The following THRAP3 variants were observed in gnomAD, a reference collection of about 807,000 sequenced individuals.
THRAP3 encodes the protein thyroid hormone receptor associated protein 3, also known as thyroid hormone receptor-associated protein 3.
In THRAP3, 16 loss-of-function variants were observed where a neutral mutation model predicts 101.0. The ratio of observed to expected loss-of-function variants is 0.16; its 90% CI spans 0.11 to 0.24. THRAP3 has a LOEUF of 0.24. Among genes scored for constraint, THRAP3 ranks in the 10% least tolerant of loss-of-function variants. The pLI is 1.00. For synonymous variants in THRAP3, 407 were observed against 422.6 expected, an observed-to-expected ratio of 0.96 and a Z score of 0.45; for missense variants, 989 against 1,202.7, an observed-to-expected ratio of 0.82 and a Z score of 2.63.
At chr1:36,264,325 G>A (rs955834209) in intron 2 of THRAP3, among the ~76,000 whole-genome samples, 2 of 152,248 alleles carry the variant, frequency 1.3e-5, no homozygotes, top group Admixed American at 6.5e-5. Context: ...GTCAGGCACT[G>A]TGTATGTGCT....
rs191053226 is a variant in THRAP3, at chr1:36,304,866, T to A, written c.*849T>A. 2 of 206,258 alleles carry A rather than the reference T, an allele frequency of 9.7e-6. No individual in the cohort carries two copies. Among genetic ancestry groups the A allele is most frequent in the African/African-American group, 4.6e-5 (2 of 43,882 alleles). The allele number at this position is 206,258 out of a possible 1,614,324, so 12.8% of individuals were successfully genotyped here. A position where few individuals can be genotyped will look rare whatever the true frequency, so the allele number is the denominator to read the frequency against. Reference sequence around the variant, plus strand: ...TCTGGTCTGTTTTCTAAGAAACTTATGAATTCTATTATCTTTACAAATATG... The same window carrying A: ...TCTGGTCTGTTTTCTAAGAAACTTAAGAATTCTATTATCTTTACAAATATG... On this transcript the variant is annotated 3_prime_UTR_variant, in exon 12 of 12. Transcript: ENST00000354618.
intron 4 of THRAP3, chr1:36,288,741 G>A (rs1645827243): frequency 1.0e-6 from 1 of 985,294 alleles, no homozygotes; most frequent in African/African-American, 1.7e-5. Context: ...TTTTGCCCTA[G>A]ATCACATTAC....
At chr1:36,303,611 T>G (rs897183841) in intron 11 of THRAP3, among the ~76,000 whole-genome samples, 185 bp from the exon 12 acceptor site, 1 of 152,204 alleles carries the variant, frequency 6.6e-6, no homozygotes, top group African/African-American at 2.4e-5. Context: ...CCAACTGATA[T>G]TCTCATGGAT....
intron 1 of THRAP3, among the ~76,000 whole-genome samples, chr1:36,240,696 T>A (rs529666734): frequency 1.3e-5 from 2 of 152,304 alleles, no homozygotes; most frequent in African/African-American, 4.8e-5. Context: ...TTTTTTGGTA[T>A]AAATATAGGT....
In THRAP3 at chr1:36,293,028, C is replaced by CTTTTTTTTTTTTTTTTTTTTTTTTTT. The variant is rs71053920; in HGVS notation, c.2030+337_2030+338insTTTTTTTTTTTTTTTTTTTTTTTTTT. Among the ~76,000 whole-genome samples, 12 of 82,826 alleles carry CTTTTTTTTTTTTTTTTTTTTTTTTTT rather than the reference C, an allele frequency of 1.4e-4. 3 individuals are homozygous for CTTTTTTTTTTTTTTTTTTTTTTTTTT. The highest frequency in any genetic ancestry group is 1.9e-4 in the Admixed American group (1 of 5,186). The allele number at this position is 82,826 out of a possible 152,430, so 54.3% of individuals were successfully genotyped here. On this transcript the variant is annotated intron_variant, in intron 7 of 11. Coordinates refer to ENST00000354618, the MANE Select transcript of THRAP3 (RefSeq NM_005119.4). The stretch of plus-strand genomic sequence containing the variant: ...AGTAAATGCTAGTTTCTTTTCTTGT[C>CTTTTTTTTTTTTTTTTTTTTTTTTTT]TTTTTTTTTTTTTTTTTTGAGATGG...
chr1:36,258,722 G>A (rs1171220845), intron 1 of THRAP3, among the ~76,000 whole-genome samples: 3 of 152,244 alleles, frequency 2.0e-5, no homozygotes, highest in Non-Finnish European at 2.9e-5. Flanking sequence ...CTCGTGATCC[G>A]CCCGCCTTGG....
chr1:36,260,120 T>C (rs1645426039), intron 2 of THRAP3, among the ~76,000 whole-genome samples: 1 of 152,050 alleles, frequency 6.6e-6, no homozygotes, highest in Non-Finnish European at 1.5e-5. Context: ...CAGGCACCTG[T>C]AATCCCAGCT....
rs945054797 is a variant in THRAP3 at position 36,252,186 on chromosome 1, C to T, written c.-134-7196C>T. On this transcript the variant is annotated intron_variant, in intron 1 of 11. Transcript: ENST00000354618. ...TGTTGCCCAGGCTGGAGTGCAGTGG[C>T]GCTATCTTGGCTCACTGCAACCTCC... is the stretch of plus-strand genomic sequence containing the variant. Among the ~76,000 whole-genome samples the T allele has an allele frequency of 1.1e-4, 17 of 152,100 alleles. No individual in the cohort carries two copies. The South Asian group carries it at 1.7e-3, about 15-fold the overall frequency.
At chr1:36,271,032 C>T in intron 2 of THRAP3, among the ~76,000 whole-genome samples, 1 of 152,198 alleles carries the variant, frequency 6.6e-6, no homozygotes, top group South Asian at 2.1e-4. Flanking sequence ...GCAAGTGCTC[C>T]TGCCCTTTCT....
intron 1 of THRAP3, among the ~76,000 whole-genome samples, chr1:36,234,772 G>A (rs961326161): frequency 3.4e-5 from 5 of 147,568 alleles, no homozygotes; most frequent in Non-Finnish European, 6.0e-5. Flanking sequence ...GTAGAACCTA[G>A]CTTGCCTCTT....
At chr1:36,236,647 G>C (rs1285309086) in intron 1 of THRAP3, among the ~76,000 whole-genome samples, 2 of 152,206 alleles carry the variant, frequency 1.3e-5, no homozygotes, top group Non-Finnish European at 2.9e-5. Flanking sequence ...GGGCCGGCTA[G>C]TACATGCAGT....
rs115240231 is a variant in THRAP3 at position 36,303,613 on chromosome 1, C to A, written c.2647-183C>A. On this transcript the variant is annotated intron_variant, in intron 11 of 11. Transcript: ENST00000354618. ...ATTCCTAAATCACCCAACTGATATT[C>A]TCATGGATCTGAACCACTGGCATTT... Among the ~76,000 whole-genome samples the A allele has an allele frequency of 7.8e-3, 1,186 of 152,264 alleles. 10 individuals carry two copies. Among genetic ancestry groups the A allele is most frequent in the African/African-American group, 0.027 (1,131 of 41,544 alleles).
chr1:36,296,002 C>A (rs1376310617), intron 8 of THRAP3, among the ~76,000 whole-genome samples: 2 of 73,756 alleles, frequency 2.7e-5, no homozygotes, highest in South Asian at 4.6e-4. Flanking sequence ...GAGAGATAGT[C>A]TTGTTCTATT....
intron 2 of THRAP3, among the ~76,000 whole-genome samples, chr1:36,279,772 C>T (rs947435854): frequency 2.0e-5 from 3 of 152,146 alleles, no homozygotes; most frequent in Admixed American, 2.0e-4. Flanking sequence ...GCTTCCTAGG[C>T]GTTTTTTGTC....
chr1:36,286,813 G>T lies in THRAP3; in HGVS notation c.583G>T (p.Asp195Tyr). Residue 195 changes from aspartate (D) to tyrosine (Y), a missense_variant, in exon 4 of 12, where the codon GAT (aspartate) becomes TAT (tyrosine). Asp to Tyr is a radical substitution (Grantham distance 160). Coordinates refer to ENST00000354618, the MANE Select transcript of THRAP3 (RefSeq NM_005119.4). This position sits in a 1 kb window ranked among gnomAD's most constrained non-coding sequence, Gnocchi z 5.5. ...KDSRPSQAAG[D>Y]NQGDEAKEQT... The stretch of plus-strand genomic sequence containing the variant: ...TAGCCGGCCATCTCAGGCTGCCGGG[G>T]ATAACCAGGGAGATGAGGCCAAGGA... The T allele has an allele frequency of 6.2e-7, 1 of 1,614,194 alleles. No homozygotes were observed.
intron 1 of THRAP3, among the ~76,000 whole-genome samples, chr1:36,231,414 G>A (rs1437766340): frequency 6.6e-6 from 1 of 152,144 alleles, no homozygotes; most frequent in Non-Finnish European, 1.5e-5. Context: ...ATAGCATCTG[G>A]AATGTTGTCA....
intron 3 of THRAP3, among the ~76,000 whole-genome samples, chr1:36,285,037 T>TA (rs960795443): frequency 6.6e-6 from 1 of 151,944 alleles, no homozygotes; most frequent in Non-Finnish European, 1.5e-5. Flanking sequence ...CAGTGGGCAA[T>TA]AAATAGTGGA....
At chr1:36,265,679 T>C (rs1645505163) in intron 2 of THRAP3, among the ~76,000 whole-genome samples, 1 of 152,116 alleles carries the variant, frequency 6.6e-6, no homozygotes, top group Non-Finnish European at 1.5e-5. Context: ...TTTTTAAATT[T>C]TAAGTTCTAG....
At chr1:36,213,942 AGAAAGAAAGAAAGAAAGAAG>A in the THRAP3 span, among the ~76,000 whole-genome samples, 5 of 126,562 alleles carry the variant, frequency 4.0e-5, no homozygotes, top group Non-Finnish European at 6.6e-5. Context: ...AAAGAAAGAA[AGAAAGAAAGAAAGAAAGAAG>A]GAAAGAGAAA....
Sources: allele counts gnomAD v4.1 joint callset (sites outside exome capture counted in the v4.1 genomes callset), GRCh38; gene constraint gnomAD v4.1.1; non-coding constraint Gnocchi (gnomAD v3.1); transcripts MANE v1.5; gene names NCBI Gene and HGNC (gene_info 2026-07-23, HGNC 2026-07-21).